Variants in ADGRV1 observed in about 807,000 individuals in gnomAD.
ADGRV1 encodes the protein G-protein coupled receptor 98.
A neutral mutation model predicts 596.2 loss-of-function variants in ADGRV1; 359 were observed. That is an observed-to-expected ratio of 0.60 (90% CI 0.55 to 0.66). ADGRV1 has a LOEUF of 0.66. Among genes scored for constraint, ADGRV1 ranks in the 30% least tolerant of loss-of-function variants. ADGRV1 has a pLI of 0.00. For missense variants in ADGRV1, 7,274 were observed against 7,575.6 expected (o/e 0.96, Z 1.48); for synonymous variants, 2,681 against 2,679.2 (o/e 1.00, Z -0.02).
chr5:90,844,688 T>G (rs908357163), intron 78 of ADGRV1, among the ~76,000 whole-genome samples: 2 of 152,234 alleles, frequency 1.3e-5, no homozygotes, highest in Non-Finnish European at 2.9e-5. Context: ...AGGTGTTGAC[T>G]CTAATTTTTT....
chr5:90,885,124 C>A lies in ADGRV1; in HGVS notation c.17856+21267C>A, dbSNP rs1770154715. 2.0e-5 allele frequency among the ~76,000 whole-genome samples: 3 copies of A among 152,118 alleles called. No homozygotes were observed. The South Asian group carries it at 6.2e-4, about 32-fold the overall frequency. ...TGCCTGATAACCTTTGCTTTGCAAC[C>A]CTTCATTTAAGGACCACTTCCAGTT... On this transcript the variant is annotated intron_variant, in intron 83 of 89. Coordinates refer to ENST00000405460, the MANE Select transcript of ADGRV1 (RefSeq NM_032119.4).
Position 90,675,422 on chromosome 5 carries a change from G to A in ADGRV1, c.5290G>A (p.Ala1764Thr). 2 of 1,613,490 alleles carry A rather than the reference G, an allele frequency of 1.2e-6. No individual in the cohort carries two copies. Among genetic ancestry groups the A allele is most frequent in the Admixed American group, 1.7e-5 (1 of 59,900 alleles). The change falls in exon 24 of 90, where the codon GCA becomes ACA. Residue 1764 changes from alanine to threonine, a missense_variant. Coordinates refer to ENST00000405460, the MANE Select transcript of ADGRV1 (RefSeq NM_032119.4). ...TAEFRTVSLT[A>T]FSPEDYQNVA... ...GGAATTTAGAACAGTGTCCTTGACA[G>A]CATTCAGTCCTGAGGATTACCAGGT...
chr5:90,692,235 C>T (rs933713928), intron 31 of ADGRV1, among the ~76,000 whole-genome samples: 72 of 151,978 alleles, frequency 4.7e-4, no homozygotes, highest in African/African-American at 1.4e-3. Flanking sequence ...AGTATATTAA[C>T]GCTCCATTAA....
At chr5:91,030,999 T>C in intron 85 of ADGRV1, 1 of 1,457,618 alleles carries the variant, frequency 6.9e-7, no homozygotes. Context: ...TGTCAATCAG[T>C]TGTAGTCTGC....
intron 50 of ADGRV1, among the ~76,000 whole-genome samples, chr5:90,740,746 T>C (rs1561636842): frequency 6.6e-6 from 1 of 152,182 alleles, no homozygotes; most frequent in Non-Finnish European, 1.5e-5. Context: ...GAGTGTTACC[T>C]GTGAATGGGC....
intron 85 of ADGRV1, among the ~76,000 whole-genome samples, chr5:90,986,600 A>C (rs2151054287): frequency 6.6e-6 from 1 of 152,212 alleles, no homozygotes. Context: ...ACACACACTA[A>C]TATACTATGT....
Position 90,778,435 on chromosome 5 carries a change from C to A in ADGRV1, c.12675C>A (p.Asn4225Lys). ...TCTTTGTCTTTTTCTAGGCTTTGAA[C>A]GATGACATTCCCGAGGAAAAAAGCT... is the stretch of plus-strand genomic sequence containing the variant. ...SAVIVVIQAL[N>K]DDIPEEKSFY... The change falls in exon 63 of 90, where the codon AAC (asparagine) becomes AAA (lysine). Residue 4225 changes from asparagine (N) to lysine (K), a missense_variant. Physicochemically the swap from Asn to Lys is moderately conservative, Grantham distance 94. Around this residue, in one of 5 missense-constraint regions of ADGRV1, gnomAD observed 3,643 missense variants for 3,809.2 expected, o/e 0.96. Coordinates refer to ENST00000405460, the MANE Select transcript of ADGRV1 (RefSeq NM_032119.4). 6.2e-7 allele frequency: 1 copy of A among 1,612,190 alleles called. No homozygotes were observed. Among genetic ancestry groups the A allele is most frequent in the Non-Finnish European group, 8.5e-7 (1 of 1,179,082 alleles).
chr5:91,123,574 G>A (rs960980984), intron 87 of ADGRV1, among the ~76,000 whole-genome samples: 2 of 151,998 alleles, frequency 1.3e-5, no homozygotes, highest in African/African-American at 4.8e-5. Flanking sequence ...ACCACAATGG[G>A]GATTAGGTTT....
intron 83 of ADGRV1, among the ~76,000 whole-genome samples, chr5:90,876,886 T>C (rs1182154722): frequency 2.6e-5 from 4 of 152,232 alleles, no homozygotes; most frequent in Admixed American, 1.3e-4. Context: ...GACGCAGTAA[T>C]GTCATGTTAT....
At position 90,675,392 on chromosome 5, in the gene ADGRV1, A is replaced by G. The variant is rs201186767; in HGVS notation, c.5260A>G (p.Thr1754Ala). The G allele has an allele frequency of 1.0e-4, 167 of 1,613,768 alleles. No individual in the cohort carries two copies. The highest frequency in any genetic ancestry group is 1.2e-4 in the Non-Finnish European group (137 of 1,179,864). The change falls in exon 24 of 90, where the codon ACT becomes GCT. Residue 1754 changes from threonine to alanine, a missense_variant. Transcript: ENST00000405460. ...TGCACAGGGACTTCTGGGAAGGGTG[A>G]CTGCGGAATTTAGAACAGTGTCCTT... ...IRAQGLLGRVTAEFRTVSLTA... is the reference protein window; with the variant it reads ...IRAQGLLGRVAAEFRTVSLTA...
chr5:90,564,857 A>G (rs1755411773), intron 1 of ADGRV1, among the ~76,000 whole-genome samples: 1 of 27,226 alleles, frequency 3.7e-5, no homozygotes, highest in African/African-American at 3.0e-4. Flanking sequence ...CGATCTCCTG[A>G]CCTCGTGATC....
chr5:90,681,463 C>G lies in ADGRV1; in HGVS notation c.5664+9C>G. On this transcript the variant is annotated intron_variant, in intron 27 of 89. Coordinates refer to ENST00000405460, the MANE Select transcript of ADGRV1 (RefSeq NM_032119.4). ...GCACTGTTACATTAAATGTGAGTAC[C>G]TTTTCTTCCTTCATTCCTAGACACT... The G allele has an allele frequency of 6.2e-7, 1 of 1,602,180 alleles. No homozygotes were observed. Among genetic ancestry groups the G allele is most frequent in the Non-Finnish European group, 8.5e-7 (1 of 1,172,236 alleles).
rs1442325943 is a variant in ADGRV1 at position 91,153,216 on chromosome 5, A to G, written c.18625-5A>G. 6.2e-7 allele frequency: 1 copy of G among 1,600,446 alleles called. No homozygotes were observed. The highest frequency in any genetic ancestry group is 8.5e-7 in the Non-Finnish European group (1 of 1,173,176). On this transcript the variant is annotated splice_polypyrimidine_tract_variant and splice_region_variant and intron_variant, in intron 88 of 89. Coordinates refer to ENST00000405460, the MANE Select transcript of ADGRV1 (RefSeq NM_032119.4). ...TTCTTTTTCCCCCCATCCCAATCTA[A>G]AAAGGTGCCACCTGACTGGGAGAGA...
At chr5:90,827,851 A>G (rs1764193266) in intron 76 of ADGRV1, among the ~76,000 whole-genome samples, 1 of 152,218 alleles carries the variant, frequency 6.6e-6, no homozygotes, top group Admixed American at 6.5e-5. Flanking sequence ...AAACACTTGG[A>G]TAATTCTGAA....
chr5:90,596,275 C>T (rs1312963836), intron 1 of ADGRV1, among the ~76,000 whole-genome samples: 4 of 146,926 alleles, frequency 2.7e-5, no homozygotes, highest in East Asian at 2.1e-4. Flanking sequence ...ATAGGATGGC[C>T]GCCGGGCAGA....
intron 25 of ADGRV1, among the ~76,000 whole-genome samples, chr5:90,679,059 A>C (rs1226059343): frequency 6.6e-6 from 1 of 152,156 alleles, no homozygotes; most frequent in Non-Finnish European, 1.5e-5. Context: ...GAGGGTGATC[A>C]AGTTTGAGAA....
chr5:91,097,360 A>G (rs1337188466), intron 86 of ADGRV1, among the ~76,000 whole-genome samples: 1 of 152,220 alleles, frequency 6.6e-6, no homozygotes, highest in African/African-American at 2.4e-5. Flanking sequence ...TTCTAATTTT[A>G]TCATTGGTGA....
At position 90,985,367 on chromosome 5, in the gene ADGRV1, G is replaced by C. The variant is rs1340548727; in HGVS notation, c.17997G>C (p.Leu5999=). ...AGTCTGTGAATTTCTGGTACGTGCT[G>C]GTGATGAATGATGAGCACACAGAGA... is the stretch of plus-strand genomic sequence containing the variant. The part of the protein sequence containing the change: ...LIQSVNFWYV[L]VMNDEHTERR... Residue 5999 remains leucine, a synonymous_variant, in exon 85 of 90, where the codon CTG becomes CTC. Transcript: ENST00000405460. The C allele has an allele frequency of 6.2e-7, 1 of 1,612,482 alleles. No homozygotes were observed. The highest frequency in any genetic ancestry group is 8.5e-7 in the Non-Finnish European group (1 of 1,179,064).
chr5:90,826,348 C>CA (rs1435881072), intron 76 of ADGRV1, among the ~76,000 whole-genome samples: 1 of 152,076 alleles, frequency 6.6e-6, no homozygotes, highest in African/African-American at 2.4e-5. Flanking sequence ...CATTTTTTGT[C>CA]AAAGGAAAGA....
Sources: gnomAD v4.1 joint callset for allele counts (sites outside exome capture counted in the v4.1 genomes callset) on GRCh38, gnomAD v4.1.1 for gene constraint, gnomAD v4.1.1 regional missense constraint, MANE v1.5 for transcripts, NCBI Gene and HGNC (gene_info 2026-07-23, HGNC 2026-07-21) for gene names.